KLHL1: variants seen among roughly 807,000 people sequenced by gnomAD.
KLHL1 encodes kelch-like protein 1.
In KLHL1, 47 loss-of-function variants were observed where a neutral mutation model predicts 77.7. That is an observed-to-expected ratio of 0.60 (90% CI 0.48 to 0.77). KLHL1 has a LOEUF of 0.77. Among genes scored for constraint, KLHL1 ranks in the 30% least tolerant of loss-of-function variants. The pLI, the probability that KLHL1 is intolerant of heterozygous loss-of-function variation, is 0.00. For missense variants in KLHL1, 925 were observed against 910.8 expected (o/e 1.02, Z -0.20); for synonymous variants, 360 against 325.2 (o/e 1.11, Z -1.15).
At chr13:69,753,388 T>G (rs1331375781) in intron 7 of KLHL1, among the ~76,000 whole-genome samples, 1 of 152,202 alleles carries the variant, frequency 6.6e-6, no homozygotes, top group Non-Finnish European at 1.5e-5. Context: ...AACTGAACTT[T>G]CATTCGTTTA....
Position 69,975,786 on chromosome 13 carries a change from G to A in KLHL1, c.514C>T (p.His172Tyr), listed in dbSNP as rs980366710. The A allele has an allele frequency of 6.2e-7, 1 of 1,607,914 alleles. No individual in the cohort carries two copies. Among genetic ancestry groups the A allele is most frequent in the African/African-American group, 1.3e-5 (1 of 74,446 alleles). The change falls in exon 2 of 11, where the codon CAT (histidine) becomes TAT (tyrosine). Residue 172 changes from histidine (H) to tyrosine (Y), a missense_variant. His to Tyr is a moderately conservative substitution (Grantham distance 83, BLOSUM62 2). Coordinates refer to ENST00000377844, the MANE Select transcript of KLHL1 (RefSeq NM_020866.3). ...AAATCACTTTGAGGTGTCATTGAAT[G>A]GCCGGTTGATGACAGCCTATAAACC... ...GCGHRLSSTG[H>Y]SMTPQSDLDS...
chr13:69,869,179 A>T (rs763309586), intron 5 of KLHL1, among the ~76,000 whole-genome samples: 14 of 152,158 alleles, frequency 9.2e-5, no homozygotes, highest in Non-Finnish European at 1.8e-4. Flanking sequence ...CTACCTGAGG[A>T]AGTTAAGTGA....
intron 3 of KLHL1, among the ~76,000 whole-genome samples, chr13:69,956,962 G>C (rs1883907757): frequency 6.6e-6 from 1 of 151,632 alleles, no homozygotes; most frequent in African/African-American, 2.4e-5. Context: ...ACTTCTCGAG[G>C]TGATTTGAAC....
chr13:70,028,650 A>C (rs1342795878), intron 1 of KLHL1, among the ~76,000 whole-genome samples: 1 of 152,258 alleles, frequency 6.6e-6, no homozygotes, highest in African/African-American at 2.4e-5. Flanking sequence ...ATGAGGGAAC[A>C]ATTTTTCAGG....
intron 1 of KLHL1, among the ~76,000 whole-genome samples, chr13:70,022,353 A>C (rs1002053747): frequency 1.3e-5 from 2 of 151,078 alleles, no homozygotes; most frequent in African/African-American, 4.9e-5. Flanking sequence ...CCTAGTTCCT[A>C]TATGTTTTCT....
intron 2 of KLHL1, among the ~76,000 whole-genome samples, chr13:69,961,665 C>T (rs1326517323): frequency 2.0e-5 from 3 of 151,970 alleles, no homozygotes; most frequent in East Asian, 3.9e-4. Context: ...ATCACTTGAA[C>T]GATATTTTGT....
Position 69,882,298 on chromosome 13 carries a change from T to G in KLHL1, c.1212A>C (p.Pro404=). 6.2e-7 allele frequency: 1 copy of G among 1,611,782 alleles called. No homozygotes were observed. The highest frequency in any genetic ancestry group is 8.5e-7 in the Non-Finnish European group (1 of 1,177,898). Reference sequence around the variant, plus strand: ...ACATCATTACCTGTGGTGGAAGCAGTGGCAGTCTTATAAAGGCAAGAAGCA... The same window carrying G: ...ACATCATTACCTGTGGTGGAAGCAGGGGCAGTCTTATAAAGGCAAGAAGCA... ...LSMLLAFIRL[P]LLPPQILADL... The change falls in exon 5 of 11, where the codon CCA becomes CCC. Residue 404 remains proline, a synonymous_variant. Transcript: ENST00000377844.
intron 1 of KLHL1, among the ~76,000 whole-genome samples, chr13:70,042,589 G>T (rs1886402607): frequency 6.6e-6 from 1 of 152,006 alleles, no homozygotes; most frequent in African/African-American, 2.4e-5. Flanking sequence ...TGCACCGCCA[G>T]CTCTATAAAA....
intron 7 of KLHL1, among the ~76,000 whole-genome samples, chr13:69,759,436 A>G (rs1874916273): frequency 6.6e-6 from 1 of 152,220 alleles, no homozygotes; most frequent in Non-Finnish European, 1.5e-5. Flanking sequence ...TGTCTAAATT[A>G]TATTTAATAA....
chr13:69,707,782 G>A lies in KLHL1; in HGVS notation c.2030C>T (p.Thr677Ile). 1 of 1,612,170 alleles carries A rather than the reference G, an allele frequency of 6.2e-7. No individual in the cohort carries two copies. Among genetic ancestry groups the A allele is most frequent in the Non-Finnish European group, 8.5e-7 (1 of 1,178,838 alleles). The change falls in exon 10 of 11, where the codon ACA becomes ATA. Residue 677 changes from threonine to isoleucine, a missense_variant. Thr to Ile is a moderately conservative substitution (Grantham distance 89). Transcript: ENST00000377844. ...LDYVERYDPK[T>I]DTWTMVAPLS... The stretch of plus-strand genomic sequence containing the variant: ...AGGAGCCACCATGGTCCAAGTGTCT[G>A]TTTTGGGATCATATCTAAAATTCAA...
chr13:69,728,709 G>C (rs930835405), intron 8 of KLHL1, among the ~76,000 whole-genome samples: 2 of 150,880 alleles, frequency 1.3e-5, no homozygotes, highest in Non-Finnish European at 2.9e-5. Flanking sequence ...TTGGGAGGCT[G>C]AGGCAGAATA....
At chr13:69,856,149 G>A (rs1879912443) in intron 5 of KLHL1, among the ~76,000 whole-genome samples, 2 of 151,834 alleles carry the variant, frequency 1.3e-5, no homozygotes, top group South Asian at 4.2e-4. Context: ...GCTAGAGATA[G>A]TATCTTCTTC....
chr13:69,988,636 T>C (rs1884940202), intron 1 of KLHL1, among the ~76,000 whole-genome samples: 1 of 152,142 alleles, frequency 6.6e-6, no homozygotes, highest in South Asian at 2.1e-4. Flanking sequence ...ATTTTTTGAC[T>C]TTTTAATAAT....
intron 7 of KLHL1, among the ~76,000 whole-genome samples, chr13:69,752,102 A>T (rs1874512758): frequency 6.6e-6 from 1 of 152,134 alleles, no homozygotes. Flanking sequence ...TAATGAAGCG[A>T]TATATACAAA....
intron 1 of KLHL1, among the ~76,000 whole-genome samples, chr13:70,075,772 T>TAC (rs138977955): frequency 2.1e-4 from 31 of 145,982 alleles, no homozygotes; most frequent in Non-Finnish European, 3.5e-4. Context: ...TATATATATA[T>TAC]ACATATATAT....
chr13:70,083,183 T>A (rs1887437071), intron 1 of KLHL1, among the ~76,000 whole-genome samples: 1 of 152,286 alleles, frequency 6.6e-6, no homozygotes, highest in Middle Eastern at 3.4e-3. Flanking sequence ...TTTAAACTGC[T>A]AAGCACAAAA....
At chr13:69,885,293 T>C (rs889244738) in intron 4 of KLHL1, among the ~76,000 whole-genome samples, 2 of 152,212 alleles carry the variant, frequency 1.3e-5, no homozygotes, top group Admixed American at 6.5e-5. Context: ...AATAATTTTG[T>C]ATTTTTATAA....
chr13:69,960,110 CTTTTTTT>C (rs58284665), intron 3 of KLHL1, among the ~76,000 whole-genome samples: 1 of 124,230 alleles, frequency 8.0e-6, no homozygotes, highest in East Asian at 2.3e-4. Context: ...AGCATGTGTA[CTTTTTTT>C]TTTTTTTTTT....
intron 1 of KLHL1, among the ~76,000 whole-genome samples, chr13:70,019,458 T>C (rs1885736874): frequency 7.5e-6 from 1 of 132,820 alleles, no homozygotes; most frequent in East Asian, 2.0e-4. Context: ...AGGCAGGTAC[T>C]ATTATTTGCT....
Sources: allele counts gnomAD v4.1 joint callset (sites outside exome capture counted in the v4.1 genomes callset), GRCh38; gene constraint gnomAD v4.1.1; transcripts MANE v1.5; gene names NCBI Gene and HGNC (gene_info 2026-07-23, HGNC 2026-07-21).